The following CXADR variants were observed in gnomAD, a reference collection of about 807,000 sequenced individuals.
CXADR encodes CXADR cell adhesion molecule.
Under a neutral mutation model 40.3 loss-of-function variants are expected in CXADR, and 20 were observed. That is an observed-to-expected ratio of 0.50 (90% confidence interval 0.35 to 0.72). The LOEUF is 0.72. CXADR is among the 30% of genes least tolerant of loss of function. The pLI is 0.01. For missense variants in CXADR, 332 were observed against 449.1 expected, an observed-to-expected ratio of 0.74 and a Z score of 2.36; for synonymous variants, 150 against 161.3, an observed-to-expected ratio of 0.93 and a Z score of 0.53.
In CXADR at chr21:17,541,585, TCTC is replaced by T. The variant is rs376998898; in HGVS notation, c.44-5438_44-5436del. Reference sequence around the variant, plus strand: ...AAAAAAAATCCTATGTTCCACCTATTCTCCTCTTCCCTCTTTCCCCTGCATCTG... The same window carrying T: ...AAAAAAAATCCTATGTTCCACCTATTCTCTTCCCTCTTTCCCCTGCATCTG... On this transcript the variant is annotated intron_variant, in intron 1 of 6. Coordinates refer to ENST00000284878, the MANE Select transcript of CXADR (RefSeq NM_001338.5). 3.4e-4 allele frequency among the ~76,000 whole-genome samples: 51 copies of T among 150,930 alleles called. No homozygotes were observed. In the South Asian group the frequency reaches 0.011, roughly 32 times the overall value.
chr21:17,598,914 T>C, the CXADR span: 1 of 972,582 alleles, frequency 1.0e-6, no homozygotes. Context: ...GGACATGCCA[T>C]CAATACAAGG....
At chr21:17,514,315 A>T (rs1431660852) in intron 1 of CXADR, among the ~76,000 whole-genome samples, 1 of 151,986 alleles carries the variant, frequency 6.6e-6, no homozygotes, top group African/African-American at 2.4e-5. Context: ...CACAGCTGTG[A>T]GCATTACTCA....
the CXADR span, among the ~76,000 whole-genome samples, chr21:17,616,335 C>CTT: frequency 1.1e-3 from 141 of 122,840 alleles, 2 homozygotes; most frequent in South Asian, 2.2e-3. Flanking sequence ...ATACAAAAGT[C>CTT]TTTTTTTTTT....
At chr21:17,623,947 C>T in the CXADR span, among the ~76,000 whole-genome samples, 1 of 152,146 alleles carries the variant, frequency 6.6e-6, no homozygotes, top group African/African-American at 2.4e-5. Flanking sequence ...ATTGTAATTT[C>T]CCTAGTTCAA....
At chr21:17,609,229 C>A in the CXADR span, 1 of 1,348,564 alleles carries the variant, frequency 7.4e-7, no homozygotes, top group Non-Finnish European at 1.0e-6. Flanking sequence ...AGATATACCT[C>A]CTTTACAGCT....
chr21:17,514,973 A>T (rs918951107), intron 1 of CXADR, among the ~76,000 whole-genome samples: 3 of 146,352 alleles, frequency 2.0e-5, no homozygotes, highest in African/African-American at 7.5e-5. Context: ...ATTGGATTTA[A>T]TTTTTTTTTT....
In CXADR at chr21:17,569,976, G is replaced by A. The variant is rs1328727964; in HGVS notation, c.*4284G>A. 4.1e-6 allele frequency: 4 copies of A among 985,368 alleles called. No individual in the cohort carries two copies. The highest frequency in any genetic ancestry group is 4.8e-6 in the Non-Finnish European group (4 of 829,914). The allele number at this position is 985,368 out of a possible 1,614,324, so 61.0% of individuals were successfully genotyped here. On this transcript the variant is annotated 3_prime_UTR_variant, in exon 7 of 7. Transcript: ENST00000284878. ...TGTCAGTTTCAGATTTTGTATGTAC[G>A]ATTTCTGGCTTATATATCCAATGGT...
the CXADR span, among the ~76,000 whole-genome samples, chr21:17,609,677 G>C: frequency 6.6e-6 from 1 of 152,156 alleles, no homozygotes; most frequent in African/African-American, 2.4e-5. Flanking sequence ...TTGCCCAAGA[G>C]AAATGAAAAC....
chr21:17,558,081 CT>C (rs11420511), intron 3 of CXADR, among the ~76,000 whole-genome samples: 27,967 of 149,574 alleles, frequency 0.19, 2,802 homozygotes, highest in East Asian at 0.4. Flanking sequence ...CTCAGATTTC[CT>C]TTTTTTTTTT....
chr21:17,515,366 G>A (rs1247417954), intron 1 of CXADR, among the ~76,000 whole-genome samples: 2 of 152,064 alleles, frequency 1.3e-5, no homozygotes, highest in African/African-American at 2.4e-5. Context: ...GAGGTTTGCC[G>A]GAGCCTGGGA....
Position 17,551,850 on chromosome 21 carries a change from A to G in CXADR, c.312A>G (p.Ser104=). 2 of 1,613,962 alleles carry G rather than the reference A, an allele frequency of 1.2e-6. No individual in the cohort carries two copies. Among genetic ancestry groups the G allele is most frequent in the Non-Finnish European group, 1.7e-6 (2 of 1,179,854 alleles). Residue 104 remains serine (S), a synonymous_variant, in exon 3 of 7, where the codon TCA becomes TCG. Transcript: ENST00000284878. ...TSNDLKSGDA[S]INVTNLQLSD... ...ATGATCTCAAATCTGGTGATGCATC[A>G]ATAAATGTAACGAATTTACAACTGT...
chr21:17,584,414 A>G (rs2123388681), intron 7 of CXADR, among the ~76,000 whole-genome samples: 1 of 152,360 alleles, frequency 6.6e-6, no homozygotes, highest in East Asian at 1.9e-4. Flanking sequence ...GTTCACGTAC[A>G]CATCATCGTG....
chr21:17,553,717 G>A (rs572889404), intron 3 of CXADR, among the ~76,000 whole-genome samples: 9 of 151,454 alleles, frequency 5.9e-5, no homozygotes, highest in South Asian at 4.2e-4. Flanking sequence ...CGCCTCCTGG[G>A]TTCAAGCAAT....
chr21:17,556,511 T>C (rs535061251), intron 3 of CXADR, among the ~76,000 whole-genome samples: 49 of 152,346 alleles, frequency 3.2e-4, no homozygotes, highest in African/African-American at 1.1e-3. Flanking sequence ...TAGAATACCA[T>C]ATTACCCATA....
chr21:17,585,684 A>C (rs530980353), intron 7 of CXADR, among the ~76,000 whole-genome samples: 11 of 151,994 alleles, frequency 7.2e-5, no homozygotes, highest in African/African-American at 2.4e-4. Context: ...CGCCCAGCTA[A>C]TTTTTTTGTA....
downstream of CXADR, chr21:17,593,970 A>C: frequency 8.7e-7 from 1 of 1,144,100 alleles, no homozygotes; most frequent in South Asian, 1.8e-5. Context: ...TTCTATAAAA[A>C]TAAGTTTGAT....
chr21:17,576,080 T>TC lies in CXADR; in HGVS notation c.1017+10471dup, dbSNP rs1397351458. Among the ~76,000 whole-genome samples the TC allele has an allele frequency of 4.0e-3, 350 of 86,800 alleles. 1 individual carries two copies. The highest frequency in any genetic ancestry group is 0.016 in the African/African-American group (329 of 20,710). The allele number at this position is 86,800 out of a possible 152,430, so 56.9% of individuals were successfully genotyped here. ...TCCAGCCTGGGTGACAGAGCGAGAC[T>TC]CCATCTCAAAAAAAAAAAAAAAAAG... On this transcript the variant is annotated intron_variant, in intron 7 of 7. Coordinates refer to the CXADR transcript ENST00000400169.
At chr21:17,594,147 T>C (rs2061471926), downstream of CXADR, 4 of 1,613,150 alleles carry the variant, frequency 2.5e-6, no homozygotes, top group Non-Finnish European at 3.4e-6. Context: ...CACAATGCAT[T>C]CCAGGAGGAG....
the CXADR span, among the ~76,000 whole-genome samples, chr21:17,601,339 G>A: frequency 5.9e-5 from 9 of 152,144 alleles, no homozygotes; most frequent in Admixed American, 3.3e-4. Context: ...GTTGATCTAC[G>A]GCTGGTGACT....
Sources: gnomAD v4.1 joint callset for allele counts (sites outside exome capture counted in the v4.1 genomes callset) on GRCh38, gnomAD v4.1.1 for gene constraint, MANE v1.5 for transcripts, NCBI Gene and HGNC (gene_info 2026-07-23, HGNC 2026-07-21) for gene names.